NCOA7: variants seen among roughly 807,000 people sequenced by gnomAD.
NCOA7 encodes nuclear receptor coactivator 7, also known as 140 kDa estrogen receptor-associated protein.
Under a neutral mutation model 104.3 loss-of-function variants are expected in NCOA7, and 45 were observed. That is an observed-to-expected ratio of 0.43 (90% CI 0.34 to 0.55). The LOEUF (loss-of-function observed/expected upper bound fraction) is 0.55. Among genes scored for constraint, NCOA7 ranks in the 20% least tolerant of loss-of-function variants. NCOA7 has a pLI of 0.02. For missense variants in NCOA7, 1,041 were observed against 1,119.7 expected (o/e 0.93, Z 1.00); for synonymous variants, 398 against 402.3 (o/e 0.99, Z 0.13).
chr6:125,912,096 C>T (rs1164011202), intron 10 of NCOA7, among the ~76,000 whole-genome samples: 2 of 152,158 alleles, frequency 1.3e-5, no homozygotes, highest in African/African-American at 4.8e-5. Flanking sequence ...GAAAGCAAAT[C>T]GAGGCTTTTC....
intron 5 of NCOA7, among the ~76,000 whole-genome samples, chr6:125,879,707 A>T (rs996284719): frequency 8.5e-5 from 13 of 152,202 alleles, no homozygotes; most frequent in African/African-American, 3.1e-4. Flanking sequence ...TCATTTTAAG[A>T]TTATATTTGG....
In NCOA7 at chr6:125,929,961, GAAAA is replaced by G. The variant is rs577252649; in HGVS notation, c.*1194_*1197del. The G allele has an allele frequency of 5.3e-5, 8 of 151,854 alleles. No homozygotes were observed. In the South Asian group the frequency reaches 1.5e-3, roughly 28 times the overall value. The allele number at this position is 151,854 out of a possible 1,614,324, so 9.4% of individuals were successfully genotyped here. A position where few individuals can be genotyped will look rare whatever the true frequency, so the allele number is the denominator to read the frequency against. On this transcript the variant is annotated 3_prime_UTR_variant, in exon 16 of 16. Transcript: ENST00000392477. ...TTGGTTTCTTGATTCATTTATTTGA[GAAAA>G]AAACAATACAAAGAAATGCATTCAT...
upstream of NCOA7, among the ~76,000 whole-genome samples, chr6:125,787,948 T>C (rs1336378955): frequency 6.6e-6 from 1 of 152,208 alleles, no homozygotes; most frequent in Non-Finnish European, 1.5e-5. Context: ...GCATATCCTT[T>C]ACGGATAAAG....
chr6:125,889,702 A>G lies in NCOA7; in HGVS notation c.1648A>G (p.Ser550Gly). The change falls in exon 9 of 16, where the codon AGT becomes GGT. Residue 550 changes from serine to glycine, a missense_variant. Ser to Gly is a moderately conservative substitution (Grantham distance 56). This residue lies in a region of NCOA7 where 914 missense variants were observed against 942.7 expected (regional missense o/e 0.97). Coordinates refer to ENST00000392477, the MANE Select transcript of NCOA7 (RefSeq NM_181782.5). ...LQKTELSDGK[S>G]IEPGGIDITL... ...GAAAACAGAATTAAGTGATGGAAAA[A>G]GTATTGAACCAGGGGGAATAGACAT... The G allele has an allele frequency of 1.2e-6, 2 of 1,614,098 alleles. No individual in the cohort carries two copies. Among genetic ancestry groups the G allele is most frequent in the South Asian group, 1.1e-5 (1 of 91,068 alleles).
At chr6:125,880,675 C>T (rs1486775832) in intron 5 of NCOA7, among the ~76,000 whole-genome samples, 3 of 151,884 alleles carry the variant, frequency 2.0e-5, no homozygotes, top group Non-Finnish European at 2.9e-5. Flanking sequence ...ACTACAGGTG[C>T]GAGCCACCAT....
At chr6:125,793,610 T>C (rs565191909) in intron 1 of NCOA7, among the ~76,000 whole-genome samples, 42 of 152,292 alleles carry the variant, frequency 2.8e-4, no homozygotes, top group African/African-American at 9.4e-4. Flanking sequence ...AAGACCTGGA[T>C]TTCCTCTCTT....
chr6:125,889,962 AATTCAGGT>A lies in NCOA7; in HGVS notation c.1910_1917del (p.Ile637ThrfsTer3). 1 of 1,541,888 alleles carries A rather than the reference AATTCAGGT, an allele frequency of 6.5e-7. No individual in the cohort carries two copies. Among genetic ancestry groups the A allele is most frequent in the Non-Finnish European group, 8.7e-7 (1 of 1,148,654 alleles). On this transcript the variant is annotated frameshift_variant, in exon 9 of 16. Coordinates refer to ENST00000392477, the MANE Select transcript of NCOA7 (RefSeq NM_181782.5). LOFTEE classifies it high-confidence loss of function. ...AAGTTCAGTTGTGGCTGTTAAAGAG[AATTCAGGT>A]ACCCATTGAAGGTAAGCTGTTTTTC...
chr6:125,849,172 G>A (rs1275682338), intron 2 of NCOA7, among the ~76,000 whole-genome samples: 4 of 152,110 alleles, frequency 2.6e-5, no homozygotes, highest in Non-Finnish European at 2.9e-5. Flanking sequence ...AAGAAAACCC[G>A]TTTTCATTCA....
At chr6:125,906,514 G>C (rs1786020284) in intron 10 of NCOA7, among the ~76,000 whole-genome samples, 1 of 152,154 alleles carries the variant, frequency 6.6e-6, no homozygotes, top group African/African-American at 2.4e-5. Flanking sequence ...CCCAAGAGAA[G>C]AGCTGGAAAG....
intron 13 of NCOA7, 108 bp from the exon 14 acceptor site, chr6:125,927,555 C>A: frequency 3.7e-6 from 3 of 809,242 alleles, no homozygotes; most frequent in East Asian, 2.5e-5. Flanking sequence ...TAGTAATAAT[C>A]TTTGCTGAAA....
chr6:125,830,737 A>ATATGTG (rs1453188613), intron 2 of NCOA7, among the ~76,000 whole-genome samples: 76 of 93,038 alleles, frequency 8.2e-4, no homozygotes, highest in African/African-American at 3.3e-3. Flanking sequence ...ATATATATAT[A>ATATGTG]TGTGTGTGTG....
chr6:125,793,415 A>C (rs1775027971), intron 1 of NCOA7, among the ~76,000 whole-genome samples: 1 of 152,156 alleles, frequency 6.6e-6, no homozygotes, highest in South Asian at 2.1e-4. Context: ...TTTAACTGCT[A>C]TTACTTTGGC....
At chr6:125,915,672 A>T (rs1392731338) in intron 11 of NCOA7, among the ~76,000 whole-genome samples, 192 bp downstream of exon 11, 1 of 152,184 alleles carries the variant, frequency 6.6e-6, no homozygotes, top group Non-Finnish European at 1.5e-5. Flanking sequence ...GTACACAGGC[A>T]CACAGTTCAT....
At chr6:125,854,915 T>C in intron 2 of NCOA7, 105 bp from the exon 3 acceptor site, 1 of 701,940 alleles carries the variant, frequency 1.4e-6, no homozygotes. Flanking sequence ...AAGTGTTTTC[T>C]GTATCAGTTC....
At chr6:125,847,524 A>C (rs565964138) in intron 2 of NCOA7, among the ~76,000 whole-genome samples, 16 of 152,358 alleles carry the variant, frequency 1.1e-4, no homozygotes, top group Admixed American at 2.0e-4. Flanking sequence ...TTAAGAACAG[A>C]GTCATATATA....
chr6:125,915,496 G>C lies in NCOA7; in HGVS notation c.2244+16G>C. 1.2e-6 allele frequency: 2 copies of C among 1,613,386 alleles called. No individual in the cohort carries two copies. The highest frequency in any genetic ancestry group is 1.7e-6 in the Non-Finnish European group (2 of 1,179,502). The stretch of plus-strand genomic sequence containing the variant: ...GAGCTGGGAGGTGAGCACTTGGGCA[G>C]GGTTAGACCGTCGTAGTTCCTAAGG... On this transcript the variant is annotated intron_variant, in intron 11 of 15. Transcript: ENST00000392477.
intron 2 of NCOA7, among the ~76,000 whole-genome samples, chr6:125,843,911 A>G (rs1448725001): frequency 3.3e-5 from 5 of 152,234 alleles, no homozygotes; most frequent in Non-Finnish European, 7.3e-5. Flanking sequence ...TAGACATTCT[A>G]CACAGTGTGC....
chr6:125,844,495 A>G (rs1028174598), intron 2 of NCOA7, among the ~76,000 whole-genome samples: 1 of 152,202 alleles, frequency 6.6e-6, no homozygotes, highest in Non-Finnish European at 1.5e-5. Context: ...TTCCAAGAGA[A>G]AATTTTCTTC....
intron 2 of NCOA7, among the ~76,000 whole-genome samples, chr6:125,825,505 C>T (rs563926967): frequency 5.9e-4 from 90 of 152,308 alleles, no homozygotes; most frequent in Non-Finnish European, 1.1e-3. Context: ...TTGATTATGA[C>T]ATCTGTGGTG....
Sources: gnomAD v4.1 joint callset for allele counts (sites outside exome capture counted in the v4.1 genomes callset) on GRCh38, gnomAD v4.1.1 for gene constraint, gnomAD v4.1.1 regional missense constraint, MANE v1.5 for transcripts, NCBI Gene and HGNC (gene_info 2026-07-23, HGNC 2026-07-21) for gene names.